AGGF1: variants seen among roughly 807,000 people sequenced by gnomAD.
AGGF1 encodes angiogenic factor with G-patch and FHA domains 1.
Under a neutral mutation model 86.5 loss-of-function variants are expected in AGGF1, and 56 were observed. That is an observed-to-expected ratio of 0.65 (90% confidence interval 0.52 to 0.81). The LOEUF is 0.81. Among genes scored for constraint, AGGF1 ranks in the 30% least tolerant of loss-of-function variants. The probability of loss-of-function intolerance (pLI) is 0.00; values close to 1 mark genes in which losing one functional copy is unlikely to be tolerated. For missense variants in AGGF1, 816 were observed against 850.9 expected (o/e 0.96, Z 0.51); for synonymous variants, 313 against 297.1 (o/e 1.05, Z -0.55).
At chr5:77,050,306 C>CTTTTT (rs10595061) in intron 8 of AGGF1, among the ~76,000 whole-genome samples, 55 of 76,566 alleles carry the variant, frequency 7.2e-4, no homozygotes, top group African/African-American at 1.3e-3. Flanking sequence ...TTCTTTGTTT[C>CTTTTT]TTTTTTTTTT....
chr5:77,048,895 T>A (rs778900256), intron 7 of AGGF1, 41 bp from the exon 8 acceptor site: 9 of 1,576,928 alleles, frequency 5.7e-6, no homozygotes, highest in Non-Finnish European at 7.8e-6. Context: ...TTATATAATA[T>A]GCTTCAAAAA....
At chr5:77,035,173 A>G (rs1446800367) in intron 2 of AGGF1, among the ~76,000 whole-genome samples, 4 of 152,232 alleles carry the variant, frequency 2.6e-5, no homozygotes, top group Admixed American at 6.5e-5. Flanking sequence ...TTATTTCATT[A>G]TCAGTTGATA....
chr5:77,059,826 T>C lies in AGGF1; in HGVS notation c.1844+83T>C, dbSNP rs1747523209. 10 of 1,519,484 alleles carry C rather than the reference T, an allele frequency of 6.6e-6. No individual in the cohort carries two copies. In the South Asian group the frequency reaches 1.1e-4, roughly 17 times the overall value. The allele number at this position is 1,519,484 out of a possible 1,614,324, so 94.1% of individuals were successfully genotyped here. On this transcript the variant is annotated intron_variant, in intron 12 of 13. Coordinates refer to ENST00000312916, the MANE Select transcript of AGGF1 (RefSeq NM_018046.5). ...GTGGTCTGATGTTCAGGGCTATATA[T>C]CCTGATAGGTGGCCTATTTATTTGT...
At chr5:77,058,340 A>T (rs1747493697) in intron 11 of AGGF1, among the ~76,000 whole-genome samples, 1 of 152,228 alleles carries the variant, frequency 6.6e-6, no homozygotes, top group South Asian at 2.1e-4. Context: ...GTAGAGCTAG[A>T]TATAGAATCT....
At chr5:77,046,954 T>C (rs928058391) in intron 6 of AGGF1, among the ~76,000 whole-genome samples, 1 of 152,214 alleles carries the variant, frequency 6.6e-6, no homozygotes, top group Non-Finnish European at 1.5e-5. Context: ...TCTTAAAATA[T>C]AGATTAAGGC....
intron 3 of AGGF1, 36 bp from the exon 4 acceptor site, chr5:77,036,520 C>CAAA (rs1159491367): frequency 2.5e-6 from 4 of 1,611,854 alleles, no homozygotes; most frequent in Non-Finnish European, 3.4e-6. Flanking sequence ...TATACAGAAG[C>CAAA]TTTTGTCTTA....
intron 1 of AGGF1, 118 bp downstream of exon 1, chr5:77,031,094 T>A: frequency 9.2e-7 from 1 of 1,084,824 alleles, no homozygotes; most frequent in Non-Finnish European, 1.4e-6. Flanking sequence ...GTACTTAAAG[T>A]AAATAAGTAG....
At chr5:77,045,546 A>G (rs1308668229) in intron 5 of AGGF1, among the ~76,000 whole-genome samples, 3 of 152,246 alleles carry the variant, frequency 2.0e-5, no homozygotes, top group Non-Finnish European at 4.4e-5. Context: ...ATTTTGGAAT[A>G]AGATAGTCAC....
chr5:77,036,121 T>G lies in AGGF1; in HGVS notation c.516+378T>G, dbSNP rs542750912. 24 of 258,878 alleles carry G rather than the reference T, an allele frequency of 9.3e-5. 1 individual carries two copies. In the South Asian group the frequency reaches 1.2e-3, roughly 13 times the overall value. 16.0% of individuals were successfully genotyped at this position (258,878 alleles called of 1,614,324 possible). The stretch of plus-strand genomic sequence containing the variant: ...TCAAATTTCCCTGAATCTATAAATT[T>G]GTTTTTATAGTTTGTTTGAATTAGG... On this transcript the variant is annotated intron_variant, in intron 3 of 13. Transcript: ENST00000312916.
At chr5:77,042,564 G>T (rs1236569116) in intron 5 of AGGF1, among the ~76,000 whole-genome samples, 1 of 71,676 alleles carries the variant, frequency 1.4e-5, no homozygotes, top group African/African-American at 4.3e-5. Flanking sequence ...CGGACGGGGC[G>T]GCTGGCCGGG....
At position 77,063,937 on chromosome 5, in the gene AGGF1, T is replaced by C. The variant is rs1016669603; in HGVS notation, c.*685T>C. The C allele has an allele frequency of 7.2e-5, 11 of 152,664 alleles. No individual in the cohort carries two copies. Among genetic ancestry groups the C allele is most frequent in the African/African-American group, 2.4e-4 (10 of 41,452 alleles). The allele number at this position is 152,664 out of a possible 1,614,324, so 9.5% of individuals were successfully genotyped here. ...CAACTGAATACATATTGAAATAGTG[T>C]GCTGGCTTTTGTAGTTTTGATAAAG... is the stretch of plus-strand genomic sequence containing the variant. On this transcript the variant is annotated 3_prime_UTR_variant, in exon 14 of 14. Coordinates refer to ENST00000312916, the MANE Select transcript of AGGF1 (RefSeq NM_018046.5).
rs1747446391 is a variant in AGGF1 at position 77,055,756 on chromosome 5, T to G, written c.1716+160T>G. 2.0e-5 allele frequency among the ~76,000 whole-genome samples: 3 copies of G among 152,232 alleles called. No individual in the cohort carries two copies. In the South Asian group the frequency reaches 6.2e-4, roughly 32 times the overall value. On this transcript the variant is annotated intron_variant, in intron 11 of 13. Coordinates refer to ENST00000312916, the MANE Select transcript of AGGF1 (RefSeq NM_018046.5). ...GTTCTGGTATTCATAACCTAAAAACTATTGAAGTTGGAGTAGAAAAATGAT... is the reference window on the plus strand; with the variant it reads ...GTTCTGGTATTCATAACCTAAAAACGATTGAAGTTGGAGTAGAAAAATGAT...
intron 8 of AGGF1, 119 bp downstream of exon 8, chr5:77,049,106 T>A: frequency 1.1e-6 from 1 of 905,950 alleles, no homozygotes; most frequent in Non-Finnish European, 1.8e-6. Flanking sequence ...AGTGTAGTAA[T>A]GGTAATAAAG....
chr5:77,039,879 C>T (rs1018439235), intron 5 of AGGF1, among the ~76,000 whole-genome samples, 160 bp downstream of exon 5: 4 of 152,010 alleles, frequency 2.6e-5, no homozygotes, highest in African/African-American at 7.2e-5. Context: ...TGGACTTTTT[C>T]ATAAACTCTG....
In AGGF1 at chr5:77,063,083, G is replaced by A; in HGVS notation, c.1976G>A (p.Gly659Asp). The A allele has an allele frequency of 5.0e-6, 8 of 1,614,052 alleles. No individual in the cohort carries two copies. Among genetic ancestry groups the A allele is most frequent in the Non-Finnish European group, 5.1e-6 (6 of 1,180,000 alleles). The change falls in exon 14 of 14, where the codon GGC (glycine) becomes GAC (aspartate). Residue 659 changes from glycine to aspartate, a missense_variant. Gly to Asp is a moderately conservative substitution (Grantham distance 94). This residue lies in a region of AGGF1 where 565 missense variants were observed against 585.8 expected (regional missense o/e 0.96). Coordinates refer to ENST00000312916, the MANE Select transcript of AGGF1 (RefSeq NM_018046.5). ...CTTCAGCTTCGGCGAACACATGCAG[G>A]CTTGGGGACAGGCAAACCATCCTCA... ...IQLQLRRTHA[G>D]LGTGKPSSFE... is the part of the protein sequence containing the mutation.
intron 5 of AGGF1, among the ~76,000 whole-genome samples, chr5:77,042,319 T>C (rs1328912225): frequency 6.9e-5 from 10 of 145,798 alleles, no homozygotes; most frequent in Non-Finnish European, 1.5e-4. Context: ...CTCAATGAGC[T>C]GTTGGGCACA....
chr5:77,046,389 A>G lies in AGGF1; in HGVS notation c.913A>G (p.Thr305Ala). 1 of 1,613,940 alleles carries G rather than the reference A, an allele frequency of 6.2e-7. No homozygotes were observed. Among genetic ancestry groups the G allele is most frequent in the South Asian group, 1.1e-5 (1 of 91,082 alleles). ...EDQKAFSVEH[T>A]SCNEEENFAN... is the part of the protein sequence containing the mutation. ...TCAAAAAGCCTTCAGTGTTGAACAT[A>G]CAAGCTGCAATGAGGAAGAAAATTT... Residue 305 changes from threonine to alanine, a missense_variant, in exon 6 of 14, where the codon ACA (threonine) becomes GCA (alanine). Physicochemically the swap from Thr to Ala is moderately conservative, Grantham distance 58 (BLOSUM62 0). Transcript: ENST00000312916.
chr5:77,048,030 G>A, intron 6 of AGGF1, 131 bp from the exon 7 acceptor site: 2 of 703,700 alleles, frequency 2.8e-6, no homozygotes, highest in Admixed American at 4.1e-5. Flanking sequence ...CAGAATTTAA[G>A]AAGTTTGTTT....
intron 1 of AGGF1, among the ~76,000 whole-genome samples, chr5:77,031,473 C>T (rs994991593): frequency 2.0e-5 from 3 of 152,152 alleles, no homozygotes; most frequent in African/African-American, 7.2e-5. Context: ...CTCTTCTGGG[C>T]GTTTATCATC....
Sources: allele counts gnomAD v4.1 joint callset (sites outside exome capture counted in the v4.1 genomes callset), GRCh38; gene constraint gnomAD v4.1.1; regional missense constraint gnomAD v4.1.1; transcripts MANE v1.5; gene names NCBI Gene and HGNC (gene_info 2026-07-23, HGNC 2026-07-21).